Variants in TBC1D5 observed in about 807,000 individuals in gnomAD.
TBC1D5 encodes the protein TBC1 domain family, member 5.
Under a neutral mutation model 100.3 loss-of-function variants are expected in TBC1D5, and 75 were observed. The observed-to-expected ratio is 0.75, with a 90% CI of 0.62 to 0.91. The LOEUF is 0.91. Ranked by LOEUF, TBC1D5 falls within the 40% of genes least tolerant of loss-of-function variation. TBC1D5 has a pLI of 0.00. For missense variants in TBC1D5, 910 were observed against 942.4 expected (o/e 0.97, Z 0.45); for synonymous variants, 323 against 325.6 (o/e 0.99, Z 0.09).
At chr3:17,255,054 AC>A (rs2077517073) in intron 16 of TBC1D5, among the ~76,000 whole-genome samples, 1 of 152,208 alleles carries the variant, frequency 6.6e-6, no homozygotes, top group Non-Finnish European at 1.5e-5. Context: ...TAAATTAAGG[AC>A]CCATCTGTAG....
intron 15 of TBC1D5, among the ~76,000 whole-genome samples, chr3:17,281,779 C>G (rs2080628350): frequency 6.6e-6 from 1 of 152,014 alleles, no homozygotes; most frequent in Non-Finnish European, 1.5e-5. Context: ...CCTATAAAAT[C>G]AATATACTTA....
chr3:17,437,616 C>G (rs1271242559), intron 3 of TBC1D5, among the ~76,000 whole-genome samples: 1 of 91,066 alleles, frequency 1.1e-5, no homozygotes, highest in African/African-American at 4.6e-5. Flanking sequence ...GAGACAGAGA[C>G]AGAGGTAGAG....
chr3:17,657,623 C>A (rs2153733885), intron 1 of TBC1D5, among the ~76,000 whole-genome samples: 1 of 152,266 alleles, frequency 6.6e-6, no homozygotes, highest in East Asian at 1.9e-4. Flanking sequence ...GCGTGAGCCA[C>A]CATGTCCGGC....
intron 2 of TBC1D5, among the ~76,000 whole-genome samples, chr3:17,621,907 T>C (rs954728547): frequency 6.6e-6 from 1 of 152,200 alleles, no homozygotes; most frequent in South Asian, 2.1e-4. Context: ...TCAACTGAAA[T>C]GTTTAATTTA....
chr3:17,569,001 T>C (rs572905754), intron 2 of TBC1D5, among the ~76,000 whole-genome samples: 4 of 151,930 alleles, frequency 2.6e-5, no homozygotes, highest in South Asian at 4.1e-4. Flanking sequence ...CACAGGTATA[T>C]GGGTTTAAAG....
chr3:17,266,476 A>G (rs978202929), intron 15 of TBC1D5, among the ~76,000 whole-genome samples: 1 of 152,108 alleles, frequency 6.6e-6, no homozygotes, highest in African/African-American at 2.4e-5. Context: ...TACTATACAT[A>G]TTTATGCATA....
chr3:17,586,285 A>G (rs2096732240), intron 2 of TBC1D5: 1 of 152,140 alleles, frequency 6.6e-6, no homozygotes, highest in Non-Finnish European at 1.5e-5. Context: ...TATGGAACAC[A>G]TTACTATGGT....
chr3:17,671,353 T>C (rs1276755161), intron 1 of TBC1D5, among the ~76,000 whole-genome samples: 1 of 152,126 alleles, frequency 6.6e-6, no homozygotes, highest in Non-Finnish European at 1.5e-5. Context: ...AAGACTCCAG[T>C]GACTCTGGAC....
chr3:17,372,744 C>G (rs1235827673), intron 12 of TBC1D5, among the ~76,000 whole-genome samples: 4 of 152,198 alleles, frequency 2.6e-5, no homozygotes, highest in Non-Finnish European at 5.9e-5. Flanking sequence ...TCATATAAGT[C>G]TATGACTTCA....
intron 1 of TBC1D5, among the ~76,000 whole-genome samples, chr3:17,705,802 G>A (rs896587128): frequency 2.1e-5 from 3 of 140,838 alleles, no homozygotes; most frequent in African/African-American, 5.3e-5. Flanking sequence ...CATCCCAGAC[G>A]ATGGGCGGCC....
At chr3:17,571,423 C>T (rs954726527) in intron 2 of TBC1D5, among the ~76,000 whole-genome samples, 2 of 152,114 alleles carry the variant, frequency 1.3e-5, no homozygotes, top group African/African-American at 4.8e-5. Flanking sequence ...ACCACTTTAT[C>T]ATCACAATTC....
intron 1 of TBC1D5, among the ~76,000 whole-genome samples, chr3:17,716,536 G>A (rs561063034): frequency 1.3e-5 from 2 of 151,932 alleles, no homozygotes; most frequent in Admixed American, 6.6e-5. Flanking sequence ...CAACTAATCA[G>A]CTGAAAGATA....
chr3:17,628,581 A>C (rs924170365), intron 1 of TBC1D5, among the ~76,000 whole-genome samples: 1 of 152,222 alleles, frequency 6.6e-6, no homozygotes, highest in African/African-American at 2.4e-5. Context: ...AACGTTTTCC[A>C]GAGTGTAACT....
chr3:17,689,821 G>A (rs1309047312), intron 1 of TBC1D5, among the ~76,000 whole-genome samples: 2 of 152,008 alleles, frequency 1.3e-5, no homozygotes, highest in Middle Eastern at 6.3e-3. Context: ...GGTGAGTAGT[G>A]GCCAGGGATG....
At chr3:17,551,449 C>T (rs2096472645) in intron 2 of TBC1D5, among the ~76,000 whole-genome samples, 1 of 152,110 alleles carries the variant, frequency 6.6e-6, no homozygotes, top group South Asian at 2.1e-4. Flanking sequence ...ATAATCAGCA[C>T]AGCATGCTTC....
intron 2 of TBC1D5, among the ~76,000 whole-genome samples, chr3:17,526,470 A>G (rs1413744483): frequency 6.6e-6 from 1 of 152,048 alleles, no homozygotes; most frequent in Non-Finnish European, 1.5e-5. Context: ...TCCTCCCAAC[A>G]TGAGCCACAA....
chr3:17,302,181 C>A (rs574589288), intron 14 of TBC1D5, among the ~76,000 whole-genome samples: 1 of 152,136 alleles, frequency 6.6e-6, no homozygotes, highest in Non-Finnish European at 1.5e-5. Context: ...TTTCCTATTT[C>A]TCTCCTAGCT....
At chr3:17,186,732 A>AAAAAAAAAAAAAAAAAAAAAAAAAAAAAG (rs2069146107) in intron 18 of TBC1D5, among the ~76,000 whole-genome samples, 1 of 149,240 alleles carries the variant, frequency 6.7e-6, no homozygotes, top group Non-Finnish European at 1.5e-5. Flanking sequence ...AAAAAAAAAA[A>AAAAAAAAAAAAAAAAAAAAAAAAAAAAAG]AAAAAAAAAA....
At chr3:17,252,100 ATTCT>A (rs2077229729) in intron 16 of TBC1D5, among the ~76,000 whole-genome samples, 4 of 152,150 alleles carry the variant, frequency 2.6e-5, no homozygotes. Context: ...AAAATGTAAA[ATTCT>A]TTCTCCTGTG....
Sources: gnomAD v4.1 joint callset for allele counts (sites outside exome capture counted in the v4.1 genomes callset) on GRCh38, gnomAD v4.1.1 for gene constraint, MANE v1.5 for transcripts, NCBI Gene and HGNC (gene_info 2026-07-23, HGNC 2026-07-21) for gene names.